GRIA3: variants seen among roughly 807,000 people sequenced by gnomAD.
GRIA3 encodes glutamate receptor 3.
A neutral mutation model predicts 63.0 loss-of-function variants in GRIA3; 3 were observed. That is an observed-to-expected ratio of 0.05 (90% CI 0.02 to 0.12). The LOEUF is 0.12. Ranked by LOEUF, GRIA3 falls within the 10% of genes least tolerant of loss-of-function variation. GRIA3 has a pLI of 1.00. For synonymous variants in GRIA3, 274 were observed against 257.9 expected (o/e 1.06, Z -0.60); for missense variants, 347 against 700.9 (o/e 0.50, Z 5.70).
chrX:123,441,395 A>G (rs1228063475), intron 12 of GRIA3, among the ~76,000 whole-genome samples: 1 of 111,913 alleles, frequency 8.9e-6, no homozygotes, highest in Non-Finnish European at 1.9e-5. Context: ...GTATCATAGT[A>G]GAAATCAATA....
At chrX:123,428,200 C>A in intron 12 of GRIA3, 61 bp downstream of exon 12, 1 of 789,086 alleles carries the variant, frequency 1.3e-6, no homozygotes, top group Non-Finnish European at 1.9e-6. Context: ...CTCACAAAGG[C>A]AAGTTCACAG....
intron 3 of GRIA3, among the ~76,000 whole-genome samples, chrX:123,260,768 T>C (rs1303925158): frequency 9.1e-6 from 1 of 109,464 alleles, no homozygotes; most frequent in Non-Finnish European, 1.9e-5. Context: ...AGACGGATAC[T>C]AAATTCCCCT....
chrX:123,471,990 C>T (rs867886333), intron 13 of GRIA3, among the ~76,000 whole-genome samples: 6 of 13,413 alleles, frequency 4.5e-4, no homozygotes, highest in African/African-American at 6.0e-4. Flanking sequence ...CAATGGCATT[C>T]ATATATATAT....
intron 4 of GRIA3, among the ~76,000 whole-genome samples, chrX:123,337,192 C>A (rs1309949506): frequency 9.0e-6 from 1 of 111,647 alleles, no homozygotes; most frequent in Non-Finnish European, 1.9e-5. Flanking sequence ...GACAGTATAA[C>A]GTTACTTCAC....
chrX:123,184,797 CGGGGCGGGGGGA>C lies in GRIA3; in HGVS notation c.109+154_109+165del. 1.6e-5 allele frequency: 3 copies of C among 192,346 alleles called. 1 individual carries two copies. The Admixed American group carries it at 1.6e-4, about 10-fold the overall frequency. 15.9% of individuals were successfully genotyped at this position (192,346 alleles called of 1,213,427 possible). Reference sequence around the variant, plus strand: ...GGCAGAGATGGTGCGGGGCGGGGGGCGGGGCGGGGGGAATCTGAGCCTCAACGAGGTGGCTGG... The same window carrying C: ...GGCAGAGATGGTGCGGGGCGGGGGGCATCTGAGCCTCAACGAGGTGGCTGG... On this transcript the variant is annotated intron_variant, in intron 1 of 15. Coordinates refer to ENST00000620443, the MANE Select transcript of GRIA3 (RefSeq NM_007325.5).
At chrX:123,371,320 T>C (rs1037753041) in intron 5 of GRIA3, among the ~76,000 whole-genome samples, 7 of 110,442 alleles carry the variant, frequency 6.3e-5, no homozygotes, top group African/African-American at 2.3e-4. Flanking sequence ...ATCTTGGCTA[T>C]TGTGAACACT....
intron 5 of GRIA3, among the ~76,000 whole-genome samples, chrX:123,371,089 A>C (rs1258806657): frequency 3.3e-5 from 3 of 91,331 alleles, no homozygotes; most frequent in African/African-American, 4.4e-5. Flanking sequence ...CCATGAGTTC[A>C]TTGCTTTGAT....
At chrX:123,482,722 G>T in intron 14 of GRIA3, 77 bp from the exon 15 acceptor site, 3 of 1,062,344 alleles carry the variant, frequency 2.8e-6, no homozygotes, top group Non-Finnish European at 3.9e-6. Context: ...GAACTCCCCT[G>T]TACTGTTGTA....
chrX:123,243,422 C>T (rs1162378151), intron 2 of GRIA3, among the ~76,000 whole-genome samples: 1 of 111,743 alleles, frequency 8.9e-6, no homozygotes, highest in Admixed American at 9.5e-5. Flanking sequence ...TCCTCACTGG[C>T]CATGTTCCAG....
chrX:123,298,810 C>T (rs2044702112), intron 3 of GRIA3, among the ~76,000 whole-genome samples: 1 of 111,321 alleles, frequency 9.0e-6, no homozygotes, highest in African/African-American at 3.3e-5. Flanking sequence ...TTTGCCCATG[C>T]CTATGTTCTG....
chrX:123,404,731 G>A lies in GRIA3; in HGVS notation c.1317G>A (p.Lys439=). The A allele has an allele frequency of 5.8e-6, 7 of 1,203,966 alleles. No individual in the cohort carries two copies. The highest frequency in any genetic ancestry group is 7.9e-6 in the Non-Finnish European group (7 of 888,635). ...AGGAATCACCATATGTAATGTACAA[G>A]AAGAACCATGAGCAACTGGAAGGAA... ...TILESPYVMY[K]KNHEQLEGNE... The change falls in exon 10 of 16, where the codon AAG becomes AAA. Residue 439 remains lysine (K), a synonymous_variant. Coordinates refer to ENST00000620443, the MANE Select transcript of GRIA3 (RefSeq NM_007325.5).
intron 3 of GRIA3, among the ~76,000 whole-genome samples, chrX:123,262,005 C>G (rs1207198351): frequency 9.0e-6 from 1 of 111,514 alleles, no homozygotes; most frequent in Non-Finnish European, 1.9e-5. Flanking sequence ...AGTTAATTAA[C>G]CCATTAAGGG....
At chrX:123,445,097 T>A (rs2147414183) in intron 12 of GRIA3, among the ~76,000 whole-genome samples, 1 of 112,163 alleles carries the variant, frequency 8.9e-6, no homozygotes, top group African/African-American at 3.2e-5. Context: ...GGCTATATTA[T>A]GGACATTGCT....
intron 12 of GRIA3, among the ~76,000 whole-genome samples, chrX:123,443,306 A>G (rs1052839730): frequency 1.8e-5 from 2 of 112,153 alleles, no homozygotes; most frequent in African/African-American, 6.5e-5. Context: ...TTCTCCTCTG[A>G]TCCAGATAAT....
Position 123,379,862 on chromosome X carries a change from C to G in GRIA3, c.751-15106C>G, listed in dbSNP as rs1399003256. ...CCTGTGTCCATGTGTTCTCATTGTT[C>G]AATTCCCACCTATGAGTGAGAATAT... On this transcript the variant is annotated intron_variant, in intron 5 of 15. Coordinates refer to ENST00000620443, the MANE Select transcript of GRIA3 (RefSeq NM_007325.5). Among the ~76,000 whole-genome samples, 4 of 97,194 alleles carry G rather than the reference C, an allele frequency of 4.1e-5. No homozygotes were observed. The Admixed American group carries it at 4.8e-4, about 12-fold the overall frequency. 84.4% of individuals were successfully genotyped at this position (97,194 alleles called of 115,157 possible).
At chrX:123,462,723 C>T (rs1450241462) in intron 12 of GRIA3, among the ~76,000 whole-genome samples, 3 of 111,446 alleles carry the variant, frequency 2.7e-5, no homozygotes, top group Admixed American at 9.5e-5. Flanking sequence ...GCAACACAGC[C>T]GGCCAAAGTC....
In GRIA3 at chrX:123,451,505, T is replaced by TAAAAAA. The variant is rs56991039; in HGVS notation, c.2077-13330_2077-13325dup. Among the ~76,000 whole-genome samples the TAAAAAA allele has an allele frequency of 6.2e-3, 100 of 16,185 alleles. 5 individuals are homozygous for TAAAAAA. The highest frequency in any genetic ancestry group is 8.8e-3 in the Non-Finnish European group (82 of 9,270). 14.1% of individuals were successfully genotyped at this position (16,185 alleles called of 115,157 possible). A position where few individuals can be genotyped will look rare whatever the true frequency, so the allele number is the denominator to read the frequency against. On this transcript the variant is annotated intron_variant, in intron 12 of 15. Transcript: ENST00000620443. Reference sequence around the variant, plus strand: ...GGACAACAGAGAGAGACTCTGTCTCTAAAAAAAAAAAAAAAAAAAAAAAAA... The same window carrying TAAAAAA: ...GGACAACAGAGAGAGACTCTGTCTCTAAAAAAAAAAAAAAAAAAAAAAAAAAAAAAA...
At chrX:123,448,640 T>A (rs1241133751) in intron 12 of GRIA3, among the ~76,000 whole-genome samples, 1 of 112,106 alleles carries the variant, frequency 8.9e-6, no homozygotes, top group Non-Finnish European at 1.9e-5. Flanking sequence ...AATTTAAAAT[T>A]CAGTATTTCG....
intron 3 of GRIA3, among the ~76,000 whole-genome samples, chrX:123,292,163 C>T (rs1003389683): frequency 9.0e-6 from 1 of 111,645 alleles, no homozygotes; most frequent in African/African-American, 3.2e-5. Flanking sequence ...TCAGCTAACC[C>T]GCTCAATATA....
Sources: gnomAD v4.1 joint callset for allele counts (sites outside exome capture counted in the v4.1 genomes callset) on GRCh38, gnomAD v4.1.1 for gene constraint, MANE v1.5 for transcripts, NCBI Gene and HGNC (gene_info 2026-07-23, HGNC 2026-07-21) for gene names.